Variants in SORBS2 observed in about 807,000 individuals in gnomAD.
The protein encoded by SORBS2 is sorbin and SH3 domain containing 2, also known as sorbin and SH3 domain-containing protein 2.
Under a neutral mutation model 97.7 loss-of-function variants are expected in SORBS2, and 46 were observed. The observed-to-expected ratio is 0.47, with a 90% CI of 0.37 to 0.60. The LOEUF (loss-of-function observed/expected upper bound fraction) is 0.60, where lower values mean the gene tolerates loss of function less well. Among genes scored for constraint, SORBS2 ranks in the 20% least tolerant of loss-of-function variants. The pLI is 0.00. For synonymous variants in SORBS2, 476 were observed against 473.4 expected (o/e 1.01, Z -0.07); for missense variants, 1,316 against 1,282.3 (o/e 1.03, Z -0.40).
upstream of SORBS2, among the ~76,000 whole-genome samples, chr4:185,658,189 A>T (rs1367780216): frequency 2.0e-5 from 3 of 152,214 alleles, no homozygotes; most frequent in Non-Finnish European, 4.4e-5. Context: ...CTGAATAAAT[A>T]AATGCTGTAA....
intron 5 of SORBS2, among the ~76,000 whole-genome samples, chr4:185,629,555 T>C (rs57420960): frequency 0.042 from 6,158 of 145,966 alleles, 410 homozygotes; most frequent in African/African-American, 0.15. Flanking sequence ...TGTCTGAATT[T>C]TGTGATTTGT....
intron 4 of SORBS2, among the ~76,000 whole-genome samples, chr4:185,669,943 G>A (rs1225842293): frequency 6.6e-6 from 1 of 152,212 alleles, no homozygotes; most frequent in Non-Finnish European, 1.5e-5. Flanking sequence ...AATAGGGCAA[G>A]CGCAGTGGCT....
intron 1 of SORBS2, among the ~76,000 whole-genome samples, chr4:185,857,175 C>T (rs190115127): frequency 3.1e-4 from 47 of 152,240 alleles, no homozygotes; most frequent in African/African-American, 9.9e-4. Flanking sequence ...CTGCTGAACC[C>T]GCAGCAGAAG....
At position 185,623,440 on chromosome 4, in the gene SORBS2, G is replaced by T. The variant is rs745447961; in HGVS notation, c.1689C>A (p.Gly563=). The T allele has an allele frequency of 6.2e-7, 1 of 1,611,822 alleles. No homozygotes were observed. The highest frequency in any genetic ancestry group is 8.5e-7 in the Non-Finnish European group (1 of 1,180,000). ...ATCGAGTGTAGGAGGCCGGGCACCT[G>T]CCTTTGCAGGAGCTGATGAGGTGGC... Residue 563 remains glycine (G), a synonymous_variant, in exon 7 of 15, where the codon GGC becomes GGA. Coordinates refer to ENST00000418609, the Ensembl canonical transcript of SORBS2. This position sits in a 1 kb window ranked among gnomAD's most constrained non-coding sequence, Gnocchi z 6.4.
chr4:185,753,882 A>C (rs1015189058), intron 2 of SORBS2, among the ~76,000 whole-genome samples: 3 of 152,210 alleles, frequency 2.0e-5, no homozygotes, highest in Non-Finnish European at 2.9e-5. Context: ...CATTGTGGAA[A>C]GCATTTGGTG....
At chr4:185,789,308 A>G (rs2099070061) in intron 1 of SORBS2, among the ~76,000 whole-genome samples, 3 of 152,172 alleles carry the variant, frequency 2.0e-5, no homozygotes, top group Admixed American at 2.0e-4. Flanking sequence ...ACTCTTAAGC[A>G]GTCCTGTAGA....
At chr4:185,887,523 T>C (rs551198055) in intron 1 of SORBS2, among the ~76,000 whole-genome samples, 42 of 152,350 alleles carry the variant, frequency 2.8e-4, no homozygotes, top group African/African-American at 1.0e-3. Context: ...GCATATACCA[T>C]GCAGCCTGCA....
At chr4:185,620,002 C>G in intron 8 of SORBS2, 61 bp downstream of exon 20, 2 of 1,002,686 alleles carry the variant, frequency 2.0e-6, no homozygotes, top group Non-Finnish European at 3.2e-6. Context: ...TAATTTTTGG[C>G]TGGTAAGTGC....
At chr4:185,618,023 AGAGTGCAGT>A (rs1356075386) in intron 9 of SORBS2, among the ~76,000 whole-genome samples, 1 of 152,116 alleles carries the variant, frequency 6.6e-6, no homozygotes, top group Non-Finnish European at 1.5e-5. Flanking sequence ...TGCCCAGGCT[AGAGTGCAGT>A]GGCGCAACCT....
At chr4:185,916,420 C>T (rs1217246365) in intron 1 of SORBS2, among the ~76,000 whole-genome samples, 1 of 152,180 alleles carries the variant, frequency 6.6e-6, no homozygotes, top group East Asian at 1.9e-4. Context: ...CCCACAGTTG[C>T]TTTTGAGTGC....
At chr4:185,759,486 C>T (rs2098851870) in intron 2 of SORBS2, among the ~76,000 whole-genome samples, 1 of 152,084 alleles carries the variant, frequency 6.6e-6, no homozygotes, top group South Asian at 2.1e-4. Context: ...AAGGATATTG[C>T]ATATTTAACG....
chr4:185,863,620 C>T (rs2099225154), intron 1 of SORBS2, among the ~76,000 whole-genome samples: 2 of 152,054 alleles, frequency 1.3e-5, no homozygotes, highest in Non-Finnish European at 2.9e-5. Flanking sequence ...ATTCATTTAT[C>T]ATCCTTCTTC....
chr4:185,776,772 C>T (rs35075923), intron 1 of SORBS2, among the ~76,000 whole-genome samples: 32,469 of 151,454 alleles, frequency 0.21, 4,162 homozygotes, highest in Middle Eastern at 0.31. Context: ...TCGTGGCACG[C>T]GCCTGTAGTC....
chr4:185,654,942 G>A (rs1023466032), intron 1 of SORBS2, among the ~76,000 whole-genome samples: 2 of 152,170 alleles, frequency 1.3e-5, no homozygotes, highest in Non-Finnish European at 2.9e-5. Flanking sequence ...CTACATAGCA[G>A]TATACAGTGA....
chr4:185,796,288 T>G (rs2099104159), intron 1 of SORBS2, among the ~76,000 whole-genome samples: 1 of 152,220 alleles, frequency 6.6e-6, no homozygotes, highest in Non-Finnish European at 1.5e-5. Flanking sequence ...AAGGAAATCC[T>G]ATTTCACCTT....
intron 7 of SORBS2, 151 bp downstream of exon 19, chr4:185,622,763 A>C: frequency 1.5e-6 from 1 of 664,804 alleles, no homozygotes; most frequent in Non-Finnish European, 2.5e-6. Flanking sequence ...ATTCAGTAAG[A>C]CATATTTGCA....
chr4:185,876,259 C>T (rs1214590352), intron 1 of SORBS2, among the ~76,000 whole-genome samples: 1 of 152,134 alleles, frequency 6.6e-6, no homozygotes, highest in Non-Finnish European at 1.5e-5. Flanking sequence ...AGGCATGTGC[C>T]ACCTCACCTG....
chr4:185,738,852 CT>C (rs1422266484), intron 2 of SORBS2, among the ~76,000 whole-genome samples: 19 of 152,306 alleles, frequency 1.2e-4, no homozygotes, highest in Admixed American at 2.6e-4. Context: ...TCTCCACATA[CT>C]GTTTCCTTTT....
At chr4:185,587,486 G>A in exon 15 of SORBS2, 1 of 692,328 alleles carries the variant, frequency 1.4e-6, no homozygotes, top group East Asian at 2.7e-5. Context: ...CTACTCTGCT[G>A]GTGGTTTGGT....
Sources: allele counts gnomAD v4.1 joint callset (sites outside exome capture counted in the v4.1 genomes callset), GRCh38; gene constraint gnomAD v4.1.1; non-coding constraint Gnocchi (gnomAD v3.1); transcripts MANE v1.5; gene names NCBI Gene and HGNC (gene_info 2026-07-23, HGNC 2026-07-21).